The following PKP4 variants were observed in gnomAD, a reference collection of about 807,000 sequenced individuals.
The protein encoded by PKP4 is plakophilin-4.
A neutral mutation model predicts 145.1 loss-of-function variants in PKP4; 90 were observed. The observed-to-expected ratio is 0.62, with a 90% confidence interval of 0.52 to 0.74. PKP4 has a LOEUF of 0.74. Among genes scored for constraint, PKP4 ranks in the 30% least tolerant of loss-of-function variants. The probability of loss-of-function intolerance (pLI) is 0.00; values close to 1 mark genes in which losing one functional copy is unlikely to be tolerated. For missense variants in PKP4, 1,340 were observed against 1,482.7 expected (o/e 0.90, Z 1.58); for synonymous variants, 563 against 577.2 (o/e 0.98, Z 0.35).
At chr2:158,571,360 G>A (rs886629670) in intron 2 of PKP4, among the ~76,000 whole-genome samples, 3 of 152,142 alleles carry the variant, frequency 2.0e-5, no homozygotes, top group South Asian at 2.1e-4. Context: ...CTATGGTTGC[G>A]GATCCTGCTG....
At chr2:158,528,770 T>C (rs1044779074) in intron 1 of PKP4, among the ~76,000 whole-genome samples, 2 of 148,474 alleles carry the variant, frequency 1.3e-5, no homozygotes, top group Non-Finnish European at 3.0e-5. Flanking sequence ...CATGTAAGAG[T>C]TGGTCACAGG....
At position 158,626,045 on chromosome 2, in the gene PKP4, G is replaced by A. The variant is rs1427766993; in HGVS notation, c.1153+618G>A. ...TTTCGTGGAGGGTTTCCTACATGGTGTAAAGATTTGGTTATTTTAAATAAA... is the reference window on the plus strand; with the variant it reads ...TTTCGTGGAGGGTTTCCTACATGGTATAAAGATTTGGTTATTTTAAATAAA... On this transcript the variant is annotated intron_variant, in intron 7 of 21. Transcript: ENST00000389759. Among the ~76,000 whole-genome samples, 3 of 152,226 alleles carry A rather than the reference G, an allele frequency of 2.0e-5. No homozygotes were observed. In the East Asian group the frequency reaches 5.8e-4, roughly 29 times the overall value.
chr2:158,544,906 G>A (rs2044847375), intron 2 of PKP4, among the ~76,000 whole-genome samples: 1 of 152,112 alleles, frequency 6.6e-6, no homozygotes, highest in African/African-American at 2.4e-5. Flanking sequence ...ATGAATGAAA[G>A]TCCCCTGTCC....
intron 3 of PKP4, among the ~76,000 whole-genome samples, chr2:158,593,512 C>G (rs1220014298): frequency 3.9e-5 from 6 of 152,126 alleles, no homozygotes; most frequent in Non-Finnish European, 8.8e-5. Context: ...TTCCCTTTCC[C>G]ATATGGTCTT....
intron 11 of PKP4, among the ~76,000 whole-genome samples, chr2:158,651,996 G>A (rs1031034185): frequency 5.3e-5 from 8 of 152,032 alleles, no homozygotes; most frequent in Non-Finnish European, 8.8e-5. Flanking sequence ...TGTCTCCCTC[G>A]GAGTCTGGCA....
intron 7 of PKP4, among the ~76,000 whole-genome samples, chr2:158,631,042 A>G (rs2053306289): frequency 6.6e-6 from 1 of 152,028 alleles, no homozygotes; most frequent in Non-Finnish European, 1.5e-5. Context: ...GGTTCACGCC[A>G]TTCTCCTGCC....
intron 1 of PKP4, chr2:158,457,940 G>A (rs1195279095): frequency 6.6e-6 from 1 of 152,380 alleles, no homozygotes; most frequent in Non-Finnish European, 1.5e-5. Flanking sequence ...GCGGAGCTGC[G>A]GCACCTCCCT....
At chr2:158,674,807 C>T (rs185254346) in intron 19 of PKP4, among the ~76,000 whole-genome samples, 1 of 152,130 alleles carries the variant, frequency 6.6e-6, no homozygotes, top group South Asian at 2.1e-4. Context: ...TTAAGTCACC[C>T]ATTTGGACTT....
intron 14 of PKP4, 25 bp downstream of exon 14, chr2:158,663,113 C>T: frequency 6.4e-7 from 1 of 1,564,418 alleles, no homozygotes; most frequent in Non-Finnish European, 8.7e-7. Flanking sequence ...TTATATGAGA[C>T]TCTCAAGTTT....
At chr2:158,569,834 G>T (rs981316721) in intron 2 of PKP4, among the ~76,000 whole-genome samples, 1 of 152,132 alleles carries the variant, frequency 6.6e-6, no homozygotes, top group African/African-American at 2.4e-5. Context: ...ATATGGTAGG[G>T]TTGCTGTGAC....
rs17854608 is a variant in PKP4 at position 158,625,034 on chromosome 2, C to T, written c.760C>T (p.Arg254Ter). 3.7e-6 allele frequency: 6 copies of T among 1,614,082 alleles called. No homozygotes were observed. Among genetic ancestry groups the T allele is most frequent in the South Asian group, 1.1e-5 (1 of 91,094 alleles). The change falls in exon 7 of 22, where the codon CGA becomes TGA. Residue 254 changes from arginine (R) to a stop codon, truncating the protein, a stop_gained. Transcript: ENST00000389759. LOFTEE classifies it high-confidence loss of function. The part of the protein sequence containing the change: ...GFGSPSVTDP[R>*]PLNPSAYSST... ...TGGCTCTCCGTCAGTGACCGACCCC[C>T]GACCTCTGAACCCCAGTGCATATTC... is the stretch of plus-strand genomic sequence containing the variant.
chr2:158,487,773 C>A (rs1694375548), intron 1 of PKP4, among the ~76,000 whole-genome samples: 3 of 142,938 alleles, frequency 2.1e-5, no homozygotes, highest in Non-Finnish European at 1.5e-5. Context: ...GAAAGAAAGA[C>A]TGAGAGAGAG....
At chr2:158,477,531 G>A (rs1353883203) in intron 1 of PKP4, among the ~76,000 whole-genome samples, 1 of 152,190 alleles carries the variant, frequency 6.6e-6, no homozygotes, top group African/African-American at 2.4e-5. Context: ...AGTAATTATG[G>A]CCTGATACCT....
intron 20 of PKP4, chr2:158,677,421 A>G (rs937774165): frequency 1.7e-5 from 3 of 180,556 alleles, no homozygotes; most frequent in Non-Finnish European, 3.6e-5. Context: ...TAATATTTTT[A>G]TATCCTATTC....
intron 2 of PKP4, among the ~76,000 whole-genome samples, chr2:158,573,524 T>C (rs1447236146): frequency 2.0e-5 from 3 of 152,182 alleles, no homozygotes; most frequent in Non-Finnish European, 2.9e-5. Context: ...TAGCAAAATA[T>C]TAAGATTTGC....
At chr2:158,501,662 G>C (rs1043642974) in intron 1 of PKP4, among the ~76,000 whole-genome samples, 1 of 152,208 alleles carries the variant, frequency 6.6e-6, no homozygotes, top group Non-Finnish European at 1.5e-5. Flanking sequence ...GATGTTAAGT[G>C]TTTTGTTGAA....
At chr2:158,459,686 G>A (rs1315626463) in intron 1 of PKP4, among the ~76,000 whole-genome samples, 1 of 152,028 alleles carries the variant, frequency 6.6e-6, no homozygotes, top group Non-Finnish European at 1.5e-5. Context: ...TTTAACCCAT[G>A]CTTAACCCGT....
At chr2:158,580,914 C>T (rs961167550) in intron 3 of PKP4, among the ~76,000 whole-genome samples, 2 of 152,208 alleles carry the variant, frequency 1.3e-5, no homozygotes, top group African/African-American at 4.8e-5. Flanking sequence ...TGCATGTTAG[C>T]TGCTCAACAG....
intron 4 of PKP4, among the ~76,000 whole-genome samples, chr2:158,610,934 G>C (rs572298270): frequency 3.3e-5 from 5 of 152,284 alleles, no homozygotes; most frequent in Admixed American, 3.3e-4. Context: ...TAACACTGCT[G>C]TGTTCCTAGA....
Sources: gnomAD v4.1 joint callset for allele counts (sites outside exome capture counted in the v4.1 genomes callset) on GRCh38, gnomAD v4.1.1 for gene constraint, MANE v1.5 for transcripts, NCBI Gene and HGNC (gene_info 2026-07-23, HGNC 2026-07-21) for gene names.